Variants in APELA observed in about 807,000 individuals in gnomAD.
APELA encodes the protein apelin receptor early endogenous ligand.
At chr4:164,884,148 A>AAAGAAAGAAAGAAAGG (rs1194562282) in intron 2 of APELA, among the ~76,000 whole-genome samples, 10 of 149,266 alleles carry the variant, frequency 6.7e-5, no homozygotes, top group Non-Finnish European at 1.5e-4. Context: ...AGAAAGAAAG[A>AAAGAAAGAAAGAAAGG]AAGAAAGAAA....
At chr4:164,894,654 C>T (rs1401856859) in intron 2 of APELA, among the ~76,000 whole-genome samples, 1 of 152,156 alleles carries the variant, frequency 6.6e-6, no homozygotes, top group East Asian at 1.9e-4. Context: ...ATCCACCTGC[C>T]TCGGCTTCCC....
At chr4:164,882,031 A>G (rs868804078) in intron 2 of APELA, among the ~76,000 whole-genome samples, 1 of 151,998 alleles carries the variant, frequency 6.6e-6, no homozygotes, top group Non-Finnish European at 1.5e-5. Context: ...TCTCTAAAAC[A>G]TTACTTACTT....
chr4:164,889,084 A>G (rs1467651478), intron 2 of APELA, among the ~76,000 whole-genome samples: 1 of 151,560 alleles, frequency 6.6e-6, no homozygotes, highest in Non-Finnish European at 1.5e-5. Context: ...CCTCACTGCT[A>G]GATCCGCCTC....
intron 2 of APELA, among the ~76,000 whole-genome samples, chr4:164,887,935 A>G (rs1317728979): frequency 6.6e-6 from 1 of 152,066 alleles, no homozygotes; most frequent in African/African-American, 2.4e-5. Flanking sequence ...TTAATTGACA[A>G]ATTTTAGTCT....
At chr4:164,880,303 T>A (rs1040780614) in intron 2 of APELA, among the ~76,000 whole-genome samples, 21 of 152,216 alleles carry the variant, frequency 1.4e-4, no homozygotes, top group African/African-American at 3.6e-4. Flanking sequence ...AGGAGCAATT[T>A]CATAATAAAC....
chr4:164,880,257 C>T (rs1730631589), intron 2 of APELA, among the ~76,000 whole-genome samples: 1 of 152,084 alleles, frequency 6.6e-6, no homozygotes, highest in Admixed American at 6.6e-5. Context: ...CTTTCCAAAC[C>T]CGGGGAAAGC....
chr4:164,889,053 G>A (rs1263558978), intron 2 of APELA, among the ~76,000 whole-genome samples: 2 of 151,920 alleles, frequency 1.3e-5, no homozygotes. Context: ...GCCCAGGCTG[G>A]AGTGCAATGA....
chr4:164,887,075 A>G (rs1440756070), intron 2 of APELA, among the ~76,000 whole-genome samples: 1 of 152,006 alleles, frequency 6.6e-6, no homozygotes, highest in African/African-American at 2.4e-5. Context: ...TGATCTTCCC[A>G]CCTCAGCCTC....
At chr4:164,877,461 G>T (rs1285912694) in intron 1 of APELA, 54 bp downstream of exon 1, 1 of 398,676 alleles carries the variant, frequency 2.5e-6, no homozygotes, top group Non-Finnish European at 4.4e-6. Context: ...TTGCATCCCT[G>T]GGTCTCTGAG....
chr4:164,885,513 G>C (rs1426635221), intron 2 of APELA, among the ~76,000 whole-genome samples: 2 of 151,948 alleles, frequency 1.3e-5, no homozygotes, highest in African/African-American at 4.8e-5. Flanking sequence ...GGTCAAGGTG[G>C]GCAGATCGCT....
At chr4:164,891,996 A>G (rs746489996) in intron 2 of APELA, among the ~76,000 whole-genome samples, 15 of 152,032 alleles carry the variant, frequency 9.9e-5, no homozygotes, top group Non-Finnish European at 2.2e-4. Context: ...TGTTTTGGTC[A>G]CCTTCTTTTT....
intron 2 of APELA, among the ~76,000 whole-genome samples, chr4:164,883,034 T>C (rs1730691734): frequency 6.6e-6 from 1 of 152,158 alleles, no homozygotes; most frequent in African/African-American, 2.4e-5. Context: ...TTGCTTCTAG[T>C]TTCCTATTTT....
At chr4:164,879,492 T>C (rs1157625282) in intron 2 of APELA, among the ~76,000 whole-genome samples, 1 of 152,138 alleles carries the variant, frequency 6.6e-6, no homozygotes, top group Admixed American at 6.5e-5. Context: ...TCACCCAGGC[T>C]GGAGTGTAAT....
intron 2 of APELA, among the ~76,000 whole-genome samples, chr4:164,883,588 G>T (rs191330728): frequency 6.7e-6 from 1 of 148,648 alleles, no homozygotes; most frequent in African/African-American, 2.5e-5. Flanking sequence ...TCAGGCTCAA[G>T]TTATCCTCCT....
intron 2 of APELA, among the ~76,000 whole-genome samples, chr4:164,885,212 C>T (rs1205987587): frequency 3.9e-5 from 6 of 152,076 alleles, no homozygotes; most frequent in Admixed American, 2.0e-4. Context: ...CTCACTGCAG[C>T]CTCCGCCTTT....
intron 2 of APELA, among the ~76,000 whole-genome samples, chr4:164,895,070 A>G (rs1159384759): frequency 1.3e-5 from 2 of 152,168 alleles, no homozygotes; most frequent in Non-Finnish European, 2.9e-5. Flanking sequence ...CCAGTGGCGC[A>G]CACCTGTAAT....
At chr4:164,889,777 A>T (rs758585765) in intron 2 of APELA, among the ~76,000 whole-genome samples, 14 of 152,204 alleles carry the variant, frequency 9.2e-5, no homozygotes, top group Non-Finnish European at 1.9e-4. Context: ...AGGAAAAAAA[A>T]CAGAATGGCA....
downstream of APELA, among the ~76,000 whole-genome samples, chr4:164,897,943 C>G (rs1168956736): frequency 6.6e-6 from 1 of 152,142 alleles, no homozygotes; most frequent in Non-Finnish European, 1.5e-5. Flanking sequence ...CAGGCAGGAG[C>G]TCAGTGGCGT....
intron 2 of APELA, among the ~76,000 whole-genome samples, chr4:164,881,087 TAAC>T (rs773345175): frequency 1.3e-5 from 2 of 152,226 alleles, no homozygotes; most frequent in African/African-American, 2.4e-5. Flanking sequence ...AGCACTATAA[TAAC>T]AAGTGCTACC....
Sources: gnomAD v4.1 joint callset for allele counts (sites outside exome capture counted in the v4.1 genomes callset) on GRCh38, gnomAD v4.1.1 for gene constraint, MANE v1.5 for transcripts, NCBI Gene and HGNC (gene_info 2026-07-23, HGNC 2026-07-21) for gene names.